The following FAM131C variants were observed in gnomAD, a reference collection of about 807,000 sequenced individuals.
FAM131C encodes the protein family with sequence similarity 131 member C.
In FAM131C, 14 loss-of-function variants were observed where a neutral mutation model predicts 29.8. The ratio of observed to expected loss-of-function variants is 0.47; its 90% CI spans 0.31 to 0.73. The LOEUF is 0.73. Among genes scored for constraint, FAM131C ranks in the 30% least tolerant of loss-of-function variants. FAM131C has a pLI of 0.05. For synonymous variants in FAM131C, 86 were observed against 157.8 expected (o/e 0.54, Z 3.41); for missense variants, 252 against 383.8 (o/e 0.66, Z 2.87).
At chr1:16,062,400 AG>A in intron 3 of FAM131C, 98 bp downstream of exon 3, 2 of 734,462 alleles carry the variant, frequency 2.7e-6, no homozygotes, top group South Asian at 2.3e-5. Flanking sequence ...CCCCCGCCCC[AG>A]GGCCAGCAGG....
Position 16,061,917 on chromosome 1 carries a change from C to A in FAM131C, c.268+182G>T, listed in dbSNP as rs2023599595. On this transcript the variant is annotated intron_variant, in intron 4 of 6. Coordinates refer to ENST00000375662, the MANE Select transcript of FAM131C (RefSeq NM_182623.3). ...GCAGTTTAACCTGTGGAAGCAGAAC[C>A]CTGAGCCACTGGTCCCCCCGTGACC... Among the ~76,000 whole-genome samples, 4 of 151,466 alleles carry A rather than the reference C, an allele frequency of 2.6e-5. No individual in the cohort carries two copies. In the South Asian group the frequency reaches 8.5e-4, roughly 32 times the overall value.
chr1:16,059,751 C>G, intron 5 of FAM131C, 118 bp downstream of exon 5: 1 of 1,177,480 alleles, frequency 8.5e-7, no homozygotes, highest in Non-Finnish European at 1.2e-6. Context: ...TCACTTAATA[C>G]TCACCCACCC....
In FAM131C at chr1:16,063,607, G is replaced by A. The variant is rs1448505862; in HGVS notation, c.52C>T (p.Pro18Ser). The change falls in exon 2 of 7, where the codon CCC (proline) becomes TCC (serine). Residue 18 changes from proline (P) to serine (S), a missense_variant. By Grantham distance (74) the Pro-to-Ser change is moderately conservative. Coordinates refer to ENST00000375662, the MANE Select transcript of FAM131C (RefSeq NM_182623.3). Reference sequence around the variant, plus strand: ...AAGGGGTCCGCACCCTGGGGCATGGGGCAGTTCTTGTGGGCACTTGTGAAC... The same window carrying A: ...AAGGGGTCCGCACCCTGGGGCATGGAGCAGTTCTTGTGGGCACTTGTGAAC... ...DLFTSAHKNC[P>S]MPQGADPLNP... 1 of 1,613,038 alleles carries A rather than the reference G, an allele frequency of 6.2e-7. No homozygotes were observed. Among genetic ancestry groups the A allele is most frequent in the Non-Finnish European group, 8.5e-7 (1 of 1,179,456 alleles).
At chr1:16,064,543 A>G (rs1306476667) in intron 1 of FAM131C, among the ~76,000 whole-genome samples, 1 of 151,748 alleles carries the variant, frequency 6.6e-6, no homozygotes, top group Non-Finnish European at 1.5e-5. Flanking sequence ...TTCAGCCGGG[A>G]TCTCATATGC....
chr1:16,063,705 G>T, intron 1 of FAM131C, 69 bp from the exon 2 acceptor site: 1 of 1,081,462 alleles, frequency 9.2e-7, no homozygotes, highest in Non-Finnish European at 1.3e-6. Flanking sequence ...GCATGTTCAA[G>T]GCCCCCCCGT....
intron 6 of FAM131C, 26 bp downstream of exon 6, chr1:16,059,468 C>T (rs558844642): frequency 3.5e-5 from 56 of 1,608,906 alleles, no homozygotes; most frequent in South Asian, 1.4e-4. Context: ...TGCCCACCCC[C>T]GCCCCCTGGA....
chr1:16,062,272 G>A (rs1306826216), intron 3 of FAM131C, 80 bp from the exon 4 acceptor site: 14 of 1,504,918 alleles, frequency 9.3e-6, no homozygotes, highest in African/African-American at 1.4e-5. Flanking sequence ...ACCCATCCCC[G>A]TCTCCCAGCT....
chr1:16,065,762 C>T (rs1202711098), intron 1 of FAM131C, among the ~76,000 whole-genome samples: 2 of 152,220 alleles, frequency 1.3e-5, no homozygotes, highest in African/African-American at 4.8e-5. Flanking sequence ...TGGCTGGCCT[C>T]CTCCATCCTC....
chr1:16,059,835 C>A (rs1381358818), intron 5 of FAM131C, 34 bp downstream of exon 5: 3 of 1,601,456 alleles, frequency 1.9e-6, no homozygotes, highest in Non-Finnish European at 2.6e-6. Context: ...GCTTCACCCC[C>A]ACAGAGCCCT....
At chr1:16,062,394 C>CCCCCCGG in intron 3 of FAM131C, 105 bp downstream of exon 3, 52 of 1,171,854 alleles carry the variant, frequency 4.4e-5, no homozygotes, top group Middle Eastern at 2.9e-4. Flanking sequence ...CCCCCCCCCC[C>CCCCCCGG]GCCCCAGGGC....
chr1:16,063,695 G>T, intron 1 of FAM131C, 59 bp from the exon 2 acceptor site: 2 of 1,181,694 alleles, frequency 1.7e-6, no homozygotes, highest in Non-Finnish European at 2.4e-6. Context: ...TGCTTACAAA[G>T]CATGTTCAAG....
At chr1:16,070,473 C>A (rs1339546647) in intron 1 of FAM131C, among the ~76,000 whole-genome samples, 1 of 152,120 alleles carries the variant, frequency 6.6e-6, no homozygotes, top group Admixed American at 6.6e-5. Flanking sequence ...TGAAGGCCCA[C>A]ATTAGCTGTC....
In FAM131C at chr1:16,064,153, TTC is replaced by T. The variant is rs1365098278; in HGVS notation, c.23-519_23-518del. Among the ~76,000 whole-genome samples the T allele has an allele frequency of 1.1e-4, 16 of 151,818 alleles. No homozygotes were observed. The East Asian group carries it at 2.7e-3, about 26-fold the overall frequency. The stretch of plus-strand genomic sequence containing the variant: ...CTCCCGTGGGACGCTGCCCGGATCC[TTC>T]TCTGTTTCTGCATTTCCTGCTGTCT... On this transcript the variant is annotated intron_variant, in intron 1 of 6. Coordinates refer to ENST00000375662, the MANE Select transcript of FAM131C (RefSeq NM_182623.3).
intron 4 of FAM131C, among the ~76,000 whole-genome samples, chr1:16,060,728 G>A (rs1364585555): frequency 1.3e-5 from 2 of 152,228 alleles, no homozygotes; most frequent in African/African-American, 2.4e-5. Context: ...GTCCACTCTA[G>A]GACTGGGCGG....
chr1:16,065,422 C>T (rs1000318520), intron 1 of FAM131C, among the ~76,000 whole-genome samples: 2 of 152,228 alleles, frequency 1.3e-5, no homozygotes, highest in Non-Finnish European at 2.9e-5. Flanking sequence ...ACTCTCTGCC[C>T]GCCAGCGGAG....
intron 1 of FAM131C, among the ~76,000 whole-genome samples, chr1:16,068,307 T>C (rs946835617): frequency 6.6e-6 from 1 of 152,238 alleles, no homozygotes; most frequent in Non-Finnish European, 1.5e-5. Context: ...GAGCCTTGGA[T>C]TCTCATCTGT....
intron 4 of FAM131C, among the ~76,000 whole-genome samples, chr1:16,061,465 G>C (rs1266845048): frequency 6.6e-6 from 1 of 152,128 alleles, no homozygotes; most frequent in Non-Finnish European, 1.5e-5. Flanking sequence ...GCTGCTGTCA[G>C]CTCACACCCT....
chr1:16,058,482 C>T lies in FAM131C; in HGVS notation c.798G>A (p.Met266Ile), dbSNP rs1455517327. The T allele has an allele frequency of 4.7e-6, 7 of 1,496,696 alleles. No homozygotes were observed. In the South Asian group the frequency reaches 9.5e-5, roughly 20 times the overall value. 92.7% of individuals were successfully genotyped at this position (1,496,696 alleles called of 1,614,324 possible). A position where few individuals can be genotyped will look rare whatever the true frequency, so the allele number is the denominator to read the frequency against. Residue 266 changes from methionine to isoleucine, a missense_variant, in exon 7 of 7, where the codon ATG becomes ATA. Physicochemically the swap from Met to Ile is conservative, Grantham distance 10. Around this residue, in one of 6 missense-constraint regions of FAM131C, gnomAD observed 42 missense variants for 51.7 expected, o/e 0.81. Coordinates refer to ENST00000375662, the MANE Select transcript of FAM131C (RefSeq NM_182623.3). ...CCTCCTCCCAGAGGGAGCCGCTGTC[C>T]ATGGAGGGGAGGGAGCCCGGGGGGT... ...GTHPPGSLPS[M>I]DSGSLWEEDE...
chr1:16,064,034 G>A (rs1359418384), intron 1 of FAM131C, among the ~76,000 whole-genome samples: 2 of 151,952 alleles, frequency 1.3e-5, no homozygotes, highest in African/African-American at 4.8e-5. Flanking sequence ...CTCTCACCCC[G>A]GTTTGGGTCT....
Sources: gnomAD v4.1 joint callset for allele counts (sites outside exome capture counted in the v4.1 genomes callset) on GRCh38, gnomAD v4.1.1 for gene constraint, gnomAD v4.1.1 regional missense constraint, MANE v1.5 for transcripts, NCBI Gene and HGNC (gene_info 2026-07-23, HGNC 2026-07-21) for gene names.